The following WFDC8 variants were observed in gnomAD, a reference collection of about 807,000 sequenced individuals.
The protein encoded by WFDC8 is WAP four-disulfide core domain 8.
WFDC8 carries 24 observed loss-of-function variants against 27.0 expected under a neutral mutation model. That is an observed-to-expected ratio of 0.89 (90% CI 0.64 to 1.25). WFDC8 has a LOEUF of 1.25. WFDC8 is among the 50% of genes most tolerant of loss of function. WFDC8 has a pLI of 0.00. For synonymous variants in WFDC8, 106 were observed against 99.7 expected (o/e 1.06, Z -0.38); for missense variants, 287 against 295.9 (o/e 0.97, Z 0.22).
At chr20:45,555,071 T>G (rs1282074679) in intron 4 of WFDC8, among the ~76,000 whole-genome samples, 1 of 152,110 alleles carries the variant, frequency 6.6e-6, no homozygotes, top group Non-Finnish European at 1.5e-5. Flanking sequence ...TGCCAACAAC[T>G]CAACGAGCTG....
chr20:45,574,074 G>A (rs1019451031), intron 1 of WFDC8, among the ~76,000 whole-genome samples: 3 of 152,128 alleles, frequency 2.0e-5, no homozygotes, highest in Non-Finnish European at 4.4e-5. Context: ...TTTTGGTAGG[G>A]ATTCTGAAGT....
At chr20:45,566,555 C>T (rs554961458) in intron 1 of WFDC8, among the ~76,000 whole-genome samples, 6 of 151,998 alleles carry the variant, frequency 3.9e-5, no homozygotes, top group Admixed American at 1.3e-4. Flanking sequence ...CCCAGCTACT[C>T]GGGAGGCTGA....
intron 1 of WFDC8, among the ~76,000 whole-genome samples, chr20:45,564,948 A>AAG (rs1980608070): frequency 7.0e-6 from 1 of 143,782 alleles, no homozygotes; most frequent in Non-Finnish European, 1.5e-5. Context: ...AAAGAAAGAA[A>AAG]GAAGGAAGGA....
At chr20:45,559,052 T>C (rs956767862) in intron 2 of WFDC8, 60 bp from the exon 3 acceptor site, 3 of 1,599,866 alleles carry the variant, frequency 1.9e-6, no homozygotes, top group Non-Finnish European at 2.6e-6. Context: ...TTTTCTCCTA[T>C]GGCAAAGGTG....
At chr20:45,564,488 G>A (rs970615702) in intron 1 of WFDC8, among the ~76,000 whole-genome samples, 13 of 152,142 alleles carry the variant, frequency 8.5e-5, no homozygotes, top group African/African-American at 2.6e-4. Flanking sequence ...TGGCTAACAC[G>A]GTGAAATCCC....
intron 2 of WFDC8, among the ~76,000 whole-genome samples, chr20:45,561,754 G>A (rs1218436800): frequency 3.0e-4 from 45 of 150,952 alleles, no homozygotes; most frequent in Non-Finnish European, 4.9e-4. Flanking sequence ...GTGTGTGTGT[G>A]TGTGTGTGTG....
intron 1 of WFDC8, among the ~76,000 whole-genome samples, chr20:45,563,111 G>A (rs1228773750): frequency 6.6e-6 from 1 of 152,170 alleles, no homozygotes; most frequent in Non-Finnish European, 1.5e-5. Flanking sequence ...AAAGACTTGT[G>A]ACAATTTATC....
At chr20:45,564,910 AAAG>A (rs1052170866) in intron 1 of WFDC8, among the ~76,000 whole-genome samples, 4 of 150,614 alleles carry the variant, frequency 2.7e-5, no homozygotes, top group South Asian at 2.1e-4. Flanking sequence ...GAGGGAGAAA[AAAG>A]AAGAAAGAGA....
chr20:45,573,540 G>A (rs535015864), intron 1 of WFDC8, among the ~76,000 whole-genome samples: 5 of 152,244 alleles, frequency 3.3e-5, no homozygotes, highest in Non-Finnish European at 5.9e-5. Context: ...ACTTATAAGC[G>A]AAAACATATG....
chr20:45,555,915 A>AAGAAC (rs1481643397), intron 3 of WFDC8, 47 bp from the exon 4 acceptor site: 1 of 1,579,234 alleles, frequency 6.3e-7, no homozygotes, highest in Non-Finnish European at 8.7e-7. Flanking sequence ...GTAGAGATAA[A>AAGAAC]AGAACAGGGT....
At chr20:45,567,618 C>A (rs912510490) in intron 1 of WFDC8, among the ~76,000 whole-genome samples, 2 of 152,166 alleles carry the variant, frequency 1.3e-5, no homozygotes, top group African/African-American at 2.4e-5. Flanking sequence ...TTAAAATGCT[C>A]ATGCTTTAAA....
intron 4 of WFDC8, among the ~76,000 whole-genome samples, chr20:45,554,244 TCTCAAACTCCTGGG>T (rs1288893523): frequency 6.6e-6 from 1 of 152,084 alleles, no homozygotes; most frequent in African/African-American, 2.4e-5. Flanking sequence ...CCTAGGCTGG[TCTCAAACTCCTGGG>T]CTCAAGTGAT....
intron 3 of WFDC8, 143 bp downstream of exon 3, chr20:45,558,709 G>T (rs187607762): frequency 3.1e-6 from 3 of 980,680 alleles, no homozygotes. Context: ...CTTATGACTT[G>T]TACTTGAGGG....
At chr20:45,560,718 C>A (rs963597671) in intron 2 of WFDC8, among the ~76,000 whole-genome samples, 1 of 152,224 alleles carries the variant, frequency 6.6e-6, no homozygotes, top group Non-Finnish European at 1.5e-5. Context: ...AGGAGCCCCA[C>A]GTCTTCCCTG....
At chr20:45,555,639 C>T (rs1263330969) in intron 4 of WFDC8, 62 bp downstream of exon 4, 67 of 1,580,884 alleles carry the variant, frequency 4.2e-5, no homozygotes, top group Non-Finnish European at 5.8e-5. Context: ...GAGCCTATAA[C>T]CTCATTGGTA....
At chr20:45,562,938 G>T (rs766690288) in intron 1 of WFDC8, among the ~76,000 whole-genome samples, 3 of 152,134 alleles carry the variant, frequency 2.0e-5, no homozygotes, top group Non-Finnish European at 4.4e-5. Flanking sequence ...TGCAAGAGGT[G>T]GGTAGAGGGA....
At chr20:45,574,073 G>A (rs1315122281) in intron 1 of WFDC8, among the ~76,000 whole-genome samples, 1 of 151,994 alleles carries the variant, frequency 6.6e-6, no homozygotes, top group Non-Finnish European at 1.5e-5. Context: ...ATTTTGGTAG[G>A]GATTCTGAAG....
At chr20:45,578,872 C>T (rs1981135904) in intron 1 of WFDC8, among the ~76,000 whole-genome samples, 1 of 152,212 alleles carries the variant, frequency 6.6e-6, no homozygotes, top group African/African-American at 2.4e-5. Flanking sequence ...ACTTACCCTA[C>T]TTGGGCTCCA....
chr20:45,574,030 A>AT (rs1178593130), intron 1 of WFDC8, among the ~76,000 whole-genome samples: 1 of 152,194 alleles, frequency 6.6e-6, no homozygotes, highest in East Asian at 1.9e-4. Context: ...AAATTTTAGG[A>AT]TTTTTTAAAT....
Sources: gnomAD v4.1 joint callset for allele counts (sites outside exome capture counted in the v4.1 genomes callset) on GRCh38, gnomAD v4.1.1 for gene constraint, MANE v1.5 for transcripts, NCBI Gene and HGNC (gene_info 2026-07-23, HGNC 2026-07-21) for gene names.